The following EPB41L4A variants were observed in gnomAD, a reference collection of about 807,000 sequenced individuals.
EPB41L4A encodes erythrocyte membrane protein band 4.1 like 4A, also known as band 4.1-like protein 4A.
Under a neutral mutation model 108.6 loss-of-function variants are expected in EPB41L4A, and 100 were observed. That is an observed-to-expected ratio of 0.92 (90% CI 0.78 to 1.09). The LOEUF is 1.09. Among genes scored for constraint, EPB41L4A ranks in the 50% least tolerant of loss-of-function variants. The pLI, the probability that EPB41L4A is intolerant of heterozygous loss-of-function variation, is 0.00. For synonymous variants in EPB41L4A, 319 were observed against 289.0 expected (o/e 1.10, Z -1.05); for missense variants, 1,030 against 842.7 (o/e 1.22, Z -2.75).
intron 15 of EPB41L4A, among the ~76,000 whole-genome samples, chr5:112,198,025 A>G (rs540092339): frequency 5.9e-5 from 9 of 152,126 alleles, no homozygotes; most frequent in African/African-American, 2.2e-4. Flanking sequence ...ACTGTTAAGC[A>G]GCCCAATTTT....
At chr5:112,235,235 C>T (rs961652949) in intron 11 of EPB41L4A, among the ~76,000 whole-genome samples, 4 of 152,178 alleles carry the variant, frequency 2.6e-5, no homozygotes, top group Admixed American at 2.6e-4. Context: ...GCCCACCCTG[C>T]CTGGGCCAGA....
chr5:112,190,185 T>A (rs1234466908), intron 17 of EPB41L4A, among the ~76,000 whole-genome samples: 3 of 152,202 alleles, frequency 2.0e-5, no homozygotes, highest in African/African-American at 7.2e-5. Flanking sequence ...TATAGCAAAG[T>A]AATCTCTAAA....
chr5:112,184,151 T>A lies in EPB41L4A; in HGVS notation c.1503-16A>T, dbSNP rs770015305. The A allele has an allele frequency of 6.2e-7, 1 of 1,613,708 alleles. No homozygotes were observed. The highest frequency in any genetic ancestry group is 1.1e-5 in the South Asian group (1 of 91,008). The stretch of plus-strand genomic sequence containing the variant: ...CTGCCGTATTCTGAAAGGAAAGCCA[T>A]GCATCTGAAGTTAACATCTACATGG... On this transcript the variant is annotated splice_polypyrimidine_tract_variant and intron_variant, in intron 17 of 22. Coordinates refer to ENST00000261486, the MANE Select transcript of EPB41L4A (RefSeq NM_022140.5).
chr5:112,260,417 T>G (rs997741821), intron 7 of EPB41L4A, among the ~76,000 whole-genome samples: 9 of 152,200 alleles, frequency 5.9e-5, no homozygotes, highest in African/African-American at 2.2e-4. Flanking sequence ...AGGTGATACT[T>G]CTGTACAGTT....
downstream of EPB41L4A, chr5:112,158,458 T>C (rs951951279): frequency 1.4e-5 from 6 of 421,946 alleles, no homozygotes; most frequent in Non-Finnish European, 2.8e-5. Context: ...GGAACAAATA[T>C]CAGAGGTAGA....
chr5:112,282,314 G>T (rs938191567), intron 2 of EPB41L4A, among the ~76,000 whole-genome samples: 4 of 152,046 alleles, frequency 2.6e-5, no homozygotes, highest in African/African-American at 7.2e-5. Flanking sequence ...TGAGGTGAGG[G>T]GACTGTTTCT....
rs1200540135 is a variant in EPB41L4A, at chr5:112,350,585, A to G, written c.100-43095T>C. 1.1e-4 allele frequency among the ~76,000 whole-genome samples: 17 copies of G among 152,270 alleles called. No individual in the cohort carries two copies. The East Asian group carries it at 2.7e-3, about 24-fold the overall frequency. Reference sequence around the variant, plus strand: ...CATTAGAAGTTACTCCTTCCATCCAACTGCATGTTTGTACCCATTAACCTA... The same window carrying G: ...CATTAGAAGTTACTCCTTCCATCCAGCTGCATGTTTGTACCCATTAACCTA... On this transcript the variant is annotated intron_variant, in intron 1 of 22. Coordinates refer to ENST00000261486, the MANE Select transcript of EPB41L4A (RefSeq NM_022140.5).
chr5:112,301,364 C>T (rs1754349877), intron 2 of EPB41L4A, among the ~76,000 whole-genome samples: 1 of 152,148 alleles, frequency 6.6e-6, no homozygotes, highest in African/African-American at 2.4e-5. Flanking sequence ...GCACTCTCCC[C>T]CTTTTCCTAG....
intron 6 of EPB41L4A, among the ~76,000 whole-genome samples, chr5:112,263,255 T>A (rs192171298): frequency 0.025 from 3,773 of 151,690 alleles, 92 homozygotes; most frequent in African/African-American, 0.067. Flanking sequence ...TGTGAGTGTG[T>A]GAGAGAGAGA....
chr5:112,379,468 C>A (rs888753850), intron 1 of EPB41L4A, among the ~76,000 whole-genome samples: 1 of 152,092 alleles, frequency 6.6e-6, no homozygotes, highest in Non-Finnish European at 1.5e-5. Flanking sequence ...ACACAAAGGC[C>A]AGCCTGAACA....
intron 1 of EPB41L4A, among the ~76,000 whole-genome samples, chr5:112,374,345 C>T (rs1420482371): frequency 6.6e-6 from 1 of 152,172 alleles, no homozygotes; most frequent in Non-Finnish European, 1.5e-5. Flanking sequence ...GCCATGGGAT[C>T]ACCCAAAGCT....
At chr5:112,400,628 A>T (rs145833874) in intron 1 of EPB41L4A, among the ~76,000 whole-genome samples, 59 of 152,318 alleles carry the variant, frequency 3.9e-4, no homozygotes, top group South Asian at 6.2e-4. Flanking sequence ...GACAGGACCA[A>T]GCCATGAGGG....
chr5:112,159,881 A>T (rs1165840183), downstream of EPB41L4A, among the ~76,000 whole-genome samples: 1 of 151,034 alleles, frequency 6.6e-6, no homozygotes, highest in East Asian at 1.9e-4. Flanking sequence ...ATTAAAATTA[A>T]TTTGATCTGT....
chr5:112,318,650 C>A (rs1338052421), intron 1 of EPB41L4A, among the ~76,000 whole-genome samples: 1 of 152,110 alleles, frequency 6.6e-6, no homozygotes, highest in Admixed American at 6.5e-5. Context: ...CTGTCCTGAC[C>A]AACAAGTCAT....
At chr5:112,348,406 A>T (rs2150723520) in intron 1 of EPB41L4A, among the ~76,000 whole-genome samples, 1 of 152,346 alleles carries the variant, frequency 6.6e-6, no homozygotes, top group South Asian at 2.1e-4. Context: ...TCATTTTCAG[A>T]TATGATAAAT....
intron 18 of EPB41L4A, among the ~76,000 whole-genome samples, chr5:112,171,871 G>C (rs1251318164): frequency 6.6e-6 from 1 of 152,164 alleles, no homozygotes; most frequent in African/African-American, 2.4e-5. Flanking sequence ...ATAATTAAAA[G>C]CCACTGATCC....
intron 6 of EPB41L4A, chr5:112,264,688 T>C (rs774147975): frequency 2.2e-5 from 9 of 406,592 alleles, no homozygotes; most frequent in Non-Finnish European, 3.8e-5. Context: ...ACTTTACATA[T>C]TGAAATTACT....
At chr5:112,388,239 G>A (rs73214250) in intron 1 of EPB41L4A, among the ~76,000 whole-genome samples, 2 of 152,086 alleles carry the variant, frequency 1.3e-5, no homozygotes, top group Non-Finnish European at 2.9e-5. Context: ...AAGCAGTTAA[G>A]GTCACAGTTT....
intron 1 of EPB41L4A, among the ~76,000 whole-genome samples, chr5:112,401,210 A>G (rs949408795): frequency 6.6e-6 from 1 of 152,126 alleles, no homozygotes; most frequent in African/African-American, 2.4e-5. Context: ...GTTGATTGTG[A>G]CTCCAGACTA....
Sources: allele counts gnomAD v4.1 joint callset (sites outside exome capture counted in the v4.1 genomes callset), GRCh38; gene constraint gnomAD v4.1.1; transcripts MANE v1.5; gene names NCBI Gene and HGNC (gene_info 2026-07-23, HGNC 2026-07-21).